PBX1: variants seen among roughly 807,000 people sequenced by gnomAD.
PBX1 encodes the protein PBX homeobox 1.
In PBX1, 6 loss-of-function variants were observed where a neutral mutation model predicts 53.4. That is an observed-to-expected ratio of 0.11 (90% CI 0.06 to 0.22). The LOEUF is 0.22. Among genes scored for constraint, PBX1 ranks in the 10% least tolerant of loss-of-function variants. The pLI, the probability that PBX1 is intolerant of heterozygous loss-of-function variation, is 1.00. For synonymous variants in PBX1, 204 were observed against 212.3 expected, an observed-to-expected ratio of 0.96 and a Z score of 0.34; for missense variants, 251 against 551.4, an observed-to-expected ratio of 0.46 and a Z score of 5.46.
intron 2 of PBX1, among the ~76,000 whole-genome samples, chr1:164,753,616 C>T (rs1475843459): frequency 6.6e-6 from 1 of 152,182 alleles, no homozygotes; most frequent in Non-Finnish European, 1.5e-5. Context: ...GTCGGCCAGA[C>T]CCATTTGTGA....
At chr1:164,810,825 C>A (rs1226715894) in intron 5 of PBX1, among the ~76,000 whole-genome samples, 1 of 151,728 alleles carries the variant, frequency 6.6e-6, no homozygotes, top group Non-Finnish European at 1.5e-5. Context: ...GAATTTTTTT[C>A]TTTTTTGTTT....
intron 2 of PBX1, among the ~76,000 whole-genome samples, chr1:164,687,715 G>A (rs1662201821): frequency 2.0e-5 from 3 of 152,148 alleles, no homozygotes; most frequent in Non-Finnish European, 4.4e-5. Context: ...GGTTTTAAGA[G>A]TATTTGATGT....
intron 2 of PBX1, among the ~76,000 whole-genome samples, chr1:164,608,003 A>G (rs1286536945): frequency 1.3e-5 from 2 of 152,238 alleles, no homozygotes; most frequent in South Asian, 2.1e-4. Flanking sequence ...ATCTTTGTGC[A>G]TAGGCCAGAA....
intron 2 of PBX1, among the ~76,000 whole-genome samples, chr1:164,661,290 G>A (rs1304905298): frequency 1.3e-5 from 2 of 152,150 alleles, no homozygotes; most frequent in Admixed American, 6.5e-5. Context: ...CTCTCCCATG[G>A]GTGTGTCTGA....
intron 2 of PBX1, among the ~76,000 whole-genome samples, chr1:164,764,972 A>G (rs78822511): frequency 3.9e-5 from 6 of 152,068 alleles, no homozygotes; most frequent in Non-Finnish European, 7.4e-5. Flanking sequence ...TCTCCTGTGA[A>G]TTGGTCTTCT....
intron 4 of PBX1, among the ~76,000 whole-genome samples, chr1:164,803,633 A>T (rs1669193999): frequency 6.6e-6 from 1 of 152,174 alleles, no homozygotes; most frequent in Non-Finnish European, 1.5e-5. Flanking sequence ...GAGGCATATG[A>T]TGTGGCTAGA....
intron 2 of PBX1, among the ~76,000 whole-genome samples, chr1:164,709,909 A>G (rs971552788): frequency 4.6e-5 from 7 of 152,148 alleles, no homozygotes; most frequent in Non-Finnish European, 1.0e-4. Context: ...CTGCAGAAGG[A>G]AAGCATGGAG....
chr1:164,741,125 T>G (rs1665580005), intron 2 of PBX1, among the ~76,000 whole-genome samples: 1 of 152,218 alleles, frequency 6.6e-6, no homozygotes, highest in Non-Finnish European at 1.5e-5. Context: ...GTATAGATTG[T>G]GAAGCACATT....
At chr1:164,768,627 T>C (rs926202758) in intron 2 of PBX1, among the ~76,000 whole-genome samples, 4 of 152,240 alleles carry the variant, frequency 2.6e-5, no homozygotes, top group Non-Finnish European at 5.9e-5. Flanking sequence ...AGTTGCCTTG[T>C]GCTGAGTGTA....
chr1:164,742,629 G>T (rs1221074644), intron 2 of PBX1, among the ~76,000 whole-genome samples: 1 of 152,132 alleles, frequency 6.6e-6, no homozygotes, highest in Non-Finnish European at 1.5e-5. Context: ...AAGACACATT[G>T]AGGCCAATAT....
intron 2 of PBX1, among the ~76,000 whole-genome samples, chr1:164,586,049 G>A (rs1780365): frequency 0.3 from 46,080 of 152,082 alleles, 7,537 homozygotes; most frequent in Middle Eastern, 0.47. Flanking sequence ...GAACCTGGCA[G>A]TACAACTTTG....
downstream of PBX1, among the ~76,000 whole-genome samples, chr1:164,856,618 C>T (rs1430274382): frequency 1.3e-5 from 2 of 152,132 alleles, no homozygotes; most frequent in African/African-American, 2.4e-5. Context: ...TGTGTTTCCG[C>T]CCTCCCAGGA....
chr1:164,627,353 G>T (rs1437118475), intron 2 of PBX1, among the ~76,000 whole-genome samples: 1 of 152,042 alleles, frequency 6.6e-6, no homozygotes, highest in African/African-American at 2.4e-5. Context: ...TATTATAAAT[G>T]CTCTATTGAT....
chr1:164,644,061 T>C lies in PBX1; in HGVS notation c.265+80750T>C, dbSNP rs143466519. Among the ~76,000 whole-genome samples the C allele has an allele frequency of 5.3e-5, 8 of 152,354 alleles. No individual in the cohort carries two copies. In the East Asian group the frequency reaches 1.3e-3, roughly 26 times the overall value. ...TCTCTGAGGTCAGCAGCCAAGCCCTTTCTCTAATCTCCTAAATGTCGATGA... is the reference window on the plus strand; with the variant it reads ...TCTCTGAGGTCAGCAGCCAAGCCCTCTCTCTAATCTCCTAAATGTCGATGA... On this transcript the variant is annotated intron_variant, in intron 2 of 8. Transcript: ENST00000420696.
chr1:164,652,412 A>C (rs1268980186), intron 2 of PBX1, among the ~76,000 whole-genome samples: 1 of 152,184 alleles, frequency 6.6e-6, no homozygotes, highest in Non-Finnish European at 1.5e-5. Context: ...TGTCATTTAC[A>C]AAGCATTTTC....
At chr1:164,563,806 G>GCTATACAACATTAGGTTAT (rs1335295580) in intron 2 of PBX1, 1 of 153,244 alleles carries the variant, frequency 6.5e-6, no homozygotes, top group Non-Finnish European at 1.4e-5. Flanking sequence ...TGTGGAATGC[G>GCTATACAACATTAGGTTAT]CTATACAACA....
At chr1:164,817,290 G>A (rs1371401271) in intron 6 of PBX1, 1 of 152,172 alleles carries the variant, frequency 6.6e-6, no homozygotes, top group Non-Finnish European at 1.5e-5. Context: ...ATTTGTCAGT[G>A]GATCGTGTGC....
chr1:164,694,693 T>G (rs1354493135), intron 2 of PBX1, among the ~76,000 whole-genome samples: 1 of 152,228 alleles, frequency 6.6e-6, no homozygotes, highest in Non-Finnish European at 1.5e-5. Context: ...TGTATCAGAC[T>G]TTAACCTTTT....
At chr1:164,613,951 T>C (rs1557891727) in intron 2 of PBX1, among the ~76,000 whole-genome samples, 1 of 151,910 alleles carries the variant, frequency 6.6e-6, no homozygotes, top group Non-Finnish European at 1.5e-5. Context: ...CTTTCTGGCA[T>C]GTACTTATTG....
Sources: allele counts gnomAD v4.1 joint callset (sites outside exome capture counted in the v4.1 genomes callset), GRCh38; gene constraint gnomAD v4.1.1; transcripts MANE v1.5; gene names NCBI Gene and HGNC (gene_info 2026-07-23, HGNC 2026-07-21).